The following PRKACB variants were observed in gnomAD, a reference collection of about 807,000 sequenced individuals.
PRKACB encodes the protein protein kinase cAMP-activated catalytic subunit beta, also known as cAMP-dependent protein kinase catalytic subunit beta.
In PRKACB, 16 loss-of-function variants were observed where a neutral mutation model predicts 51.4. The ratio of observed to expected loss-of-function variants is 0.31; its 90% CI spans 0.21 to 0.47. The LOEUF (loss-of-function observed/expected upper bound fraction) is 0.47, where lower values mean the gene tolerates loss of function less well. Among genes scored for constraint, PRKACB ranks in the 20% least tolerant of loss-of-function variants. The pLI, the probability that PRKACB is intolerant of heterozygous loss-of-function variation, is 1.00. For synonymous variants in PRKACB, 147 were observed against 154.4 expected (o/e 0.95, Z 0.35); for missense variants, 309 against 464.5 (o/e 0.67, Z 3.08).
intron 7 of PRKACB, among the ~76,000 whole-genome samples, chr1:84,202,348 G>A (rs1041719480): frequency 1.3e-5 from 2 of 152,012 alleles, no homozygotes; most frequent in African/African-American, 4.8e-5. Context: ...AAGAAGTAAT[G>A]TGGTCTAACT....
intron 1 of PRKACB, among the ~76,000 whole-genome samples, chr1:84,103,682 A>G (rs1254934884): frequency 2.0e-5 from 3 of 152,162 alleles, no homozygotes; most frequent in African/African-American, 7.2e-5. Flanking sequence ...GTGTTGCCCA[A>G]ATTCTTGACC....
At chr1:84,144,769 A>C (rs949107974) in intron 1 of PRKACB, among the ~76,000 whole-genome samples, 1 of 152,144 alleles carries the variant, frequency 6.6e-6, no homozygotes, top group African/African-American at 2.4e-5. Flanking sequence ...GACTAAGTTC[A>C]ATATCAGTGA....
chr1:84,231,262 G>A (rs1429379356), intron 9 of PRKACB, among the ~76,000 whole-genome samples: 1 of 152,132 alleles, frequency 6.6e-6, no homozygotes, highest in Admixed American at 6.5e-5. Flanking sequence ...TGCATCCCAG[G>A]GATGAAGCCC....
chr1:84,136,490 CCA>C (rs60681226), intron 1 of PRKACB, among the ~76,000 whole-genome samples: 369 of 146,564 alleles, frequency 2.5e-3, no homozygotes, highest in South Asian at 9.7e-3. Context: ...ACGGCCAAAA[CCA>C]CACACACACA....
intron 7 of PRKACB, among the ~76,000 whole-genome samples, chr1:84,199,672 G>C (rs1459814132): frequency 1.3e-5 from 2 of 152,104 alleles, no homozygotes; most frequent in Non-Finnish European, 2.9e-5. Context: ...ATACCCAGTA[G>C]TGGGATTGCT....
intron 1 of PRKACB, among the ~76,000 whole-genome samples, chr1:84,119,918 CTA>C (rs1232163458): frequency 6.6e-6 from 1 of 151,936 alleles, no homozygotes; most frequent in Non-Finnish European, 1.5e-5. Flanking sequence ...GTAGTGTTTC[CTA>C]TATTGGAATA....
intron 9 of PRKACB, among the ~76,000 whole-genome samples, chr1:84,226,811 A>G (rs568924180): frequency 1.3e-5 from 2 of 152,292 alleles, no homozygotes; most frequent in African/African-American, 4.8e-5. Context: ...GCCCAAGAAT[A>G]TACTTTCAGG....
intron 8 of PRKACB, among the ~76,000 whole-genome samples, chr1:84,211,126 G>GTC (rs1331694588): frequency 4.8e-5 from 2 of 41,276 alleles, no homozygotes; most frequent in Non-Finnish European, 5.1e-5. Context: ...CCACTCCACT[G>GTC]TCACACACAC....
Position 84,192,828 on chromosome 1 carries a change from A to G in PRKACB, c.561-3788A>G, listed in dbSNP as rs142740874. Among the ~76,000 whole-genome samples, 298 of 152,276 alleles carry G rather than the reference A, an allele frequency of 2.0e-3. 2 individuals carry two copies. The highest frequency in any genetic ancestry group is 6.8e-3 in the African/African-American group (284 of 41,574). On this transcript the variant is annotated intron_variant, in intron 5 of 9. Transcript: ENST00000370685. Reference sequence around the variant, plus strand: ...CATGTTACCAGCTGGAGTCTCAGAAAATATCTTGGCATGCCTTCAAACTTT... The same window carrying G: ...CATGTTACCAGCTGGAGTCTCAGAAGATATCTTGGCATGCCTTCAAACTTT...
rs754284090 is a variant in PRKACB, at chr1:84,202,745, C to T, written c.846C>T (p.Gly282=). Residue 282 remains glycine (G), a synonymous_variant, in exon 8 of 10, where the codon GGC becomes GGT. Transcript: ENST00000370685. Reference sequence around the variant, plus strand: ...TGCTAATCTATGAAATGGCAGCTGGCTATCCCCCATTCTTTGCAGACCAAC... The same window carrying T: ...TGCTAATCTATGAAATGGCAGCTGGTTATCCCCCATTCTTTGCAGACCAAC... ...LGVLIYEMAA[G]YPPFFADQPI... is the part of the protein sequence containing the mutation. 9 of 1,609,882 alleles carry T rather than the reference C, an allele frequency of 5.6e-6. No homozygotes were observed. In the South Asian group the frequency reaches 8.8e-5, roughly 16 times the overall value.
In PRKACB at chr1:84,235,948, G is replaced by A. The variant is rs1382897510; in HGVS notation, c.*643G>A. 6.6e-6 allele frequency: 1 copy of A among 152,576 alleles called. No homozygotes were observed. Among genetic ancestry groups the A allele is most frequent in the Non-Finnish European group, 1.5e-5 (1 of 68,056 alleles). 9.5% of individuals were successfully genotyped at this position (152,576 alleles called of 1,614,324 possible). ...AAATTTGGAAGGCTGTAGATCAGAG[G>A]TTCTAGTTCCCTTTCCCTCCTTTTA... On this transcript the variant is annotated 3_prime_UTR_variant, in exon 10 of 10. Coordinates refer to ENST00000370685, the MANE Select transcript of PRKACB (RefSeq NM_182948.4).
chr1:84,132,628 G>GA lies in PRKACB; in HGVS notation c.47-46543dup, dbSNP rs1229449143. On this transcript the variant is annotated intron_variant, in intron 1 of 8. Coordinates refer to the PRKACB transcript ENST00000370688. ...GATTAATATGTTAAGGGCCATAATG[G>GA]AAAAAATAGACATCATGTAAGAGCA... 7.9e-5 allele frequency among the ~76,000 whole-genome samples: 12 copies of GA among 152,162 alleles called. No homozygotes were observed. In the East Asian group the frequency reaches 1.2e-3, roughly 15 times the overall value.
At chr1:84,130,980 G>A (rs1024471572) in intron 1 of PRKACB, among the ~76,000 whole-genome samples, 3 of 152,072 alleles carry the variant, frequency 2.0e-5, no homozygotes, top group African/African-American at 4.8e-5. Context: ...TGTATAGGTC[G>A]GAAACAACTA....
chr1:84,208,284 A>G (rs996248227), intron 8 of PRKACB, among the ~76,000 whole-genome samples: 21 of 152,250 alleles, frequency 1.4e-4, no homozygotes, highest in African/African-American at 4.3e-4. Flanking sequence ...ACTCAAATGT[A>G]CAAGACTTTA....
intron 5 of PRKACB, among the ~76,000 whole-genome samples, chr1:84,195,644 G>A (rs1668000936): frequency 6.6e-6 from 1 of 152,114 alleles, no homozygotes. Context: ...TGGGTGCGGT[G>A]GCTGACTCCT....
intron 1 of PRKACB, among the ~76,000 whole-genome samples, chr1:84,149,562 A>G (rs1048457275): frequency 1.3e-5 from 2 of 152,156 alleles, no homozygotes; most frequent in African/African-American, 4.8e-5. Context: ...CACCCAGCCC[A>G]GCTCCAGAAT....
At chr1:84,090,973 T>C (rs1238584584) in intron 1 of PRKACB, among the ~76,000 whole-genome samples, 2 of 152,140 alleles carry the variant, frequency 1.3e-5, no homozygotes, top group Non-Finnish European at 2.9e-5. Context: ...TTCTTATCTT[T>C]TATATGTATA....
At chr1:84,203,076 A>G (rs936769178) in intron 8 of PRKACB, among the ~76,000 whole-genome samples, 3 of 152,000 alleles carry the variant, frequency 2.0e-5, no homozygotes, top group Non-Finnish European at 4.4e-5. Context: ...ATAATTCTCG[A>G]TATTCCTTCA....
At chr1:84,142,152 A>G (rs1000474657), upstream of PRKACB, among the ~76,000 whole-genome samples, 1 of 152,154 alleles carries the variant, frequency 6.6e-6, no homozygotes, top group Non-Finnish European at 1.5e-5. Context: ...ATGTTTATTG[A>G]GTATGTAATA....
Sources: allele counts gnomAD v4.1 joint callset (sites outside exome capture counted in the v4.1 genomes callset), GRCh38; gene constraint gnomAD v4.1.1; transcripts MANE v1.5; gene names NCBI Gene and HGNC (gene_info 2026-07-23, HGNC 2026-07-21).